The following RYR2 variants were observed in gnomAD, a reference collection of about 807,000 sequenced individuals.
The protein encoded by RYR2 is ryanodine receptor 2, also known as cardiac muscle ryanodine receptor-calcium release channel.
A neutral mutation model predicts 601.1 loss-of-function variants in RYR2; 227 were observed. The observed-to-expected ratio is 0.38, with a 90% confidence interval of 0.34 to 0.42. The LOEUF (loss-of-function observed/expected upper bound fraction) is 0.42. Ranked by LOEUF, RYR2 falls within the 10% of genes least tolerant of loss-of-function variation. RYR2 has a pLI of 1.00. For synonymous variants in RYR2, 2,223 were observed against 2,175.1 expected (o/e 1.02, Z -0.61); for missense variants, 4,646 against 6,156.5 (o/e 0.75, Z 8.21).
intron 1 of RYR2, among the ~76,000 whole-genome samples, chr1:237,153,010 G>C (rs1474736939): frequency 1.3e-5 from 2 of 152,182 alleles, no homozygotes; most frequent in Non-Finnish European, 2.9e-5. Flanking sequence ...ACAGACACCA[G>C]CAGCCATTTT....
Position 237,590,842 on chromosome 1 carries a change from A to C in RYR2, c.4010A>C (p.Tyr1337Ser). The C allele has an allele frequency of 6.2e-7, 1 of 1,613,824 alleles. No homozygotes were observed. Among genetic ancestry groups the C allele is most frequent in the Non-Finnish European group, 8.5e-7 (1 of 1,179,856 alleles). ...LFGPKNDLED[Y>S]DADSDFEVLM... ...GGGCCCAAGAATGACTTGGAAGATT[A>C]TGATGCTGATTCTGACTTTGAGGTT... Residue 1337 changes from tyrosine to serine, a missense_variant, in exon 31 of 105, where the codon TAT (tyrosine) becomes TCT (serine). This residue lies in a region of RYR2 where 1,807 missense variants were observed against 2,088.1 expected (regional missense o/e 0.87). Transcript: ENST00000366574.
chr1:237,240,678 A>AC (rs1553358962), intron 1 of RYR2, among the ~76,000 whole-genome samples: 12 of 148,170 alleles, frequency 8.1e-5, no homozygotes, highest in Admixed American at 4.0e-4. Context: ...AAAAAAAAAA[A>AC]AAAAAAAAAA....
At chr1:237,538,394 CAAAAAAAAAAAAAAAAAAAAA>C (rs10551995) in intron 25 of RYR2, among the ~76,000 whole-genome samples, 1 of 32,872 alleles carries the variant, frequency 3.0e-5, no homozygotes, top group South Asian at 2.4e-3. Flanking sequence ...GACTCTGTCT[CAAAAAAAAAAAAAAAAAAAAA>C]AAAAAAAAAA....
Position 237,445,670 on chromosome 1 carries a change from G to T in RYR2, c.1292+148G>T, listed in dbSNP as rs1008281319. 4.2e-6 allele frequency: 4 copies of T among 947,110 alleles called. No individual in the cohort carries two copies. In the African/African-American group the frequency reaches 5.0e-5, roughly 12 times the overall value. The allele number at this position is 947,110 out of a possible 1,614,324, so 58.7% of individuals were successfully genotyped here. On this transcript the variant is annotated intron_variant, in intron 14 of 104. Coordinates refer to ENST00000366574, the MANE Select transcript of RYR2 (RefSeq NM_001035.3). ...AGCAGAAACGTTAGGAAGTGTTAAT[G>T]AGATGATTTAATGTCTTTCTTTTAA...
intron 1 of RYR2, among the ~76,000 whole-genome samples, chr1:237,171,248 T>A (rs1228077525): frequency 1.4e-5 from 2 of 139,752 alleles, no homozygotes; most frequent in African/African-American, 5.2e-5. Flanking sequence ...AAAAAAAAAA[T>A]AGATTCTCCC....
intron 84 of RYR2, among the ~76,000 whole-genome samples, 163 bp from the exon 85 acceptor site, chr1:237,770,644 G>A (rs145373897): frequency 6.6e-6 from 1 of 152,302 alleles, no homozygotes; most frequent in East Asian, 1.9e-4. Context: ...TCTGCCAAGC[G>A]CATGATCTTA....
intron 12 of RYR2, among the ~76,000 whole-genome samples, chr1:237,440,835 G>T (rs1310210541): frequency 1.3e-5 from 2 of 150,908 alleles, no homozygotes; most frequent in Admixed American, 1.3e-4. Context: ...ATTTTTTTTT[G>T]ATCCTATGGA....
chr1:237,662,610 T>G (rs563329219), intron 56 of RYR2, among the ~76,000 whole-genome samples: 1 of 152,198 alleles, frequency 6.6e-6, no homozygotes, highest in African/African-American at 2.4e-5. Flanking sequence ...ACAAAAATTA[T>G]GTACTCTAAT....
At chr1:237,755,597 T>G (rs1692883735) in intron 80 of RYR2, among the ~76,000 whole-genome samples, 1 of 152,230 alleles carries the variant, frequency 6.6e-6, no homozygotes, top group Admixed American at 6.5e-5. Context: ...ATTTTATTTT[T>G]ATTTTCTTCT....
intron 1 of RYR2, among the ~76,000 whole-genome samples, chr1:237,215,699 G>C (rs1683079295): frequency 6.6e-6 from 1 of 152,046 alleles, no homozygotes; most frequent in Non-Finnish European, 1.5e-5. Context: ...GTAAAATTTT[G>C]CTCCGTTTTT....
intron 8 of RYR2, among the ~76,000 whole-genome samples, chr1:237,386,795 C>G (rs1271568661): frequency 6.6e-6 from 1 of 152,174 alleles, no homozygotes; most frequent in South Asian, 2.1e-4. Context: ...GCTTTTGCAT[C>G]AAATTGCAGA....
chr1:237,519,534 G>A (rs1666888574), intron 24 of RYR2, among the ~76,000 whole-genome samples: 1 of 152,158 alleles, frequency 6.6e-6, no homozygotes. Context: ...ATTGAAGAGT[G>A]TATCCTTTCT....
At chr1:237,184,937 A>G (rs894468625) in intron 1 of RYR2, among the ~76,000 whole-genome samples, 1 of 150,516 alleles carries the variant, frequency 6.6e-6, no homozygotes, top group Non-Finnish European at 1.5e-5. Context: ...TGGCATGATC[A>G]CAGCTCACAG....
At chr1:237,457,400 A>G (rs1658967332) in intron 16 of RYR2, among the ~76,000 whole-genome samples, 1 of 152,140 alleles carries the variant, frequency 6.6e-6, no homozygotes, top group Non-Finnish European at 1.5e-5. Context: ...TGTAGCTTCT[A>G]CTTGTCTCTT....
At chr1:237,558,360 G>C (rs1297638798) in intron 27 of RYR2, among the ~76,000 whole-genome samples, 5 of 152,150 alleles carry the variant, frequency 3.3e-5, no homozygotes, top group Non-Finnish European at 4.4e-5. Flanking sequence ...CTTGAAGAGA[G>C]CAGTAAAGAT....
intron 92 of RYR2, among the ~76,000 whole-genome samples, chr1:237,790,586 C>T (rs1010610501): frequency 2.0e-5 from 3 of 152,118 alleles, no homozygotes; most frequent in African/African-American, 7.2e-5. Context: ...TGGAATATTA[C>T]ATTTATTATA....
chr1:237,170,858 G>A (rs534748578), intron 1 of RYR2, among the ~76,000 whole-genome samples: 12 of 152,114 alleles, frequency 7.9e-5, no homozygotes, highest in Admixed American at 3.3e-4. Context: ...TTTAGGTGTC[G>A]GTGGAGAAGT....
At chr1:237,677,651 A>G (rs1231640102) in intron 60 of RYR2, among the ~76,000 whole-genome samples, 1 of 152,156 alleles carries the variant, frequency 6.6e-6, no homozygotes, top group South Asian at 2.1e-4. Context: ...CAGGGTTAAT[A>G]TCTAGCCAAT....
chr1:237,526,876 T>G (rs1035637579), intron 24 of RYR2, among the ~76,000 whole-genome samples: 3 of 152,210 alleles, frequency 2.0e-5, no homozygotes, highest in African/African-American at 4.8e-5. Flanking sequence ...TCTGGGATCT[T>G]TATCATAAAC....
Sources: gnomAD v4.1 joint callset for allele counts (sites outside exome capture counted in the v4.1 genomes callset) on GRCh38, gnomAD v4.1.1 for gene constraint, gnomAD v4.1.1 regional missense constraint, MANE v1.5 for transcripts, NCBI Gene and HGNC (gene_info 2026-07-23, HGNC 2026-07-21) for gene names.